The following CCDC102B variants were observed in gnomAD, a reference collection of about 807,000 sequenced individuals.
CCDC102B encodes coiled-coil domain-containing protein 102B.
CCDC102B carries 75 observed loss-of-function variants against 57.4 expected under a neutral mutation model. The observed-to-expected ratio is 1.31, with a 90% CI of 1.08 to 1.58. CCDC102B has a LOEUF of 1.58. Among genes scored for constraint, CCDC102B ranks in the 40% most tolerant of loss-of-function variants. The pLI is 0.00. For missense variants in CCDC102B, 636 were observed against 582.6 expected (o/e 1.09, Z -0.94); for synonymous variants, 206 against 201.9 (o/e 1.02, Z -0.17).
intron 7 of CCDC102B, among the ~76,000 whole-genome samples, chr18:69,013,310 C>A (rs547400713): frequency 6.8e-4 from 103 of 151,784 alleles, no homozygotes; most frequent in African/African-American, 2.4e-3. Flanking sequence ...TTCTCACTTA[C>A]AAGATGGAGA....
chr18:69,007,665 T>C (rs575205189), intron 6 of CCDC102B, among the ~76,000 whole-genome samples: 1 of 152,342 alleles, frequency 6.6e-6, no homozygotes, highest in South Asian at 2.1e-4. Context: ...AGTTCCCAAG[T>C]GATGCCGTTG....
upstream of CCDC102B, among the ~76,000 whole-genome samples, chr18:68,797,435 C>T (rs989076629): frequency 1.3e-5 from 2 of 151,912 alleles, no homozygotes; most frequent in African/African-American, 4.8e-5. Context: ...CCCCTCAACC[C>T]CCATCAGAAC....
chr18:68,821,968 T>C (rs1239343227), intron 1 of CCDC102B, among the ~76,000 whole-genome samples: 1 of 152,168 alleles, frequency 6.6e-6, no homozygotes, highest in Non-Finnish European at 1.5e-5. Context: ...ATGATGAGTA[T>C]AAAGGATTTA....
chr18:68,765,304 G>A (rs763779420), intron 2 of CCDC102B, among the ~76,000 whole-genome samples: 6,059 of 86,806 alleles, frequency 0.07, 296 homozygotes, highest in African/African-American at 0.17. Context: ...AAGGAAGGAA[G>A]GAAGGAAGGA....
intron 7 of CCDC102B, among the ~76,000 whole-genome samples, chr18:69,021,295 G>A (rs2051826129): frequency 6.6e-6 from 1 of 152,154 alleles, no homozygotes; most frequent in Non-Finnish European, 1.5e-5. Context: ...AAGATTATGA[G>A]AATAGTGATA....
At chr18:68,829,351 T>C (rs1233688403) in intron 1 of CCDC102B, among the ~76,000 whole-genome samples, 13 of 151,990 alleles carry the variant, frequency 8.6e-5, no homozygotes, top group Non-Finnish European at 7.4e-5. Flanking sequence ...TTAAATACAT[T>C]GTAAAATGTC....
chr18:69,054,454 G>C lies in CCDC102B; in HGVS notation c.*317G>C. On this transcript the variant is annotated 3_prime_UTR_variant, in exon 8 of 8. Coordinates refer to ENST00000360242, the MANE Select transcript of CCDC102B (RefSeq NM_024781.3). ...AGAGTTATAATATCGGTAAGAAAAA[G>C]TAAGTTGAAAACCATACAAGACGCT... The C allele has an allele frequency of 9.7e-7, 1 of 1,025,868 alleles. No individual in the cohort carries two copies. The highest frequency in any genetic ancestry group is 1.2e-6 in the Non-Finnish European group (1 of 856,694). 63.5% of individuals were successfully genotyped at this position (1,025,868 alleles called of 1,614,324 possible). A position where few individuals can be genotyped will look rare whatever the true frequency, so the allele number is the denominator to read the frequency against.
chr18:68,907,299 A>G (rs2040685036), intron 6 of CCDC102B, among the ~76,000 whole-genome samples: 1 of 152,124 alleles, frequency 6.6e-6, no homozygotes, highest in South Asian at 2.1e-4. Flanking sequence ...CTGAAATTCC[A>G]TATGAATTTG....
At chr18:68,952,162 G>A (rs1039546615) in intron 6 of CCDC102B, among the ~76,000 whole-genome samples, 13 of 151,928 alleles carry the variant, frequency 8.6e-5, no homozygotes, top group African/African-American at 3.1e-4. Context: ...AATCAATTAT[G>A]TTGGGAAGCA....
chr18:68,910,395 G>T (rs2040798388), intron 6 of CCDC102B, among the ~76,000 whole-genome samples: 1 of 152,170 alleles, frequency 6.6e-6, no homozygotes, highest in South Asian at 2.1e-4. Flanking sequence ...AGCAGAATTG[G>T]CAGATATACA....
intron 6 of CCDC102B, among the ~76,000 whole-genome samples, chr18:68,924,115 C>G (rs1377011412): frequency 7.3e-6 from 1 of 136,252 alleles, no homozygotes; most frequent in East Asian, 2.1e-4. Flanking sequence ...CGTCTCAGCC[C>G]CCTTTTCCCT....
intron 4 of CCDC102B, among the ~76,000 whole-genome samples, chr18:68,852,815 A>G (rs1051669265): frequency 6.6e-6 from 1 of 152,166 alleles, no homozygotes; most frequent in Non-Finnish European, 1.5e-5. Flanking sequence ...TTTTTGAACG[A>G]AACGATTTTT....
intron 6 of CCDC102B, 89 bp downstream of exon 6, chr18:68,897,517 A>C (rs929891564): frequency 9.7e-6 from 15 of 1,546,722 alleles, no homozygotes; most frequent in Admixed American, 5.0e-5. Flanking sequence ...ACGCCTCCAC[A>C]TTTGGATATT....
chr18:68,795,082 G>C (rs2035586277), upstream of CCDC102B, among the ~76,000 whole-genome samples: 2 of 151,246 alleles, frequency 1.3e-5, no homozygotes, highest in Admixed American at 6.6e-5. Flanking sequence ...AGATACAGAA[G>C]GAGATAAAGT....
At chr18:68,918,964 A>T (rs958286760) in intron 6 of CCDC102B, among the ~76,000 whole-genome samples, 1 of 152,112 alleles carries the variant, frequency 6.6e-6, no homozygotes, top group African/African-American at 2.4e-5. Flanking sequence ...TATGTATTGT[A>T]TATAAAAGGG....
intron 4 of CCDC102B, among the ~76,000 whole-genome samples, chr18:68,851,487 A>G (rs1326441402): frequency 1.3e-5 from 2 of 152,190 alleles, no homozygotes; most frequent in Non-Finnish European, 2.9e-5. Flanking sequence ...AAACAAACAT[A>G]ATTAAGAATA....
At chr18:68,935,184 G>A (rs1044821791) in intron 6 of CCDC102B, among the ~76,000 whole-genome samples, 1 of 151,982 alleles carries the variant, frequency 6.6e-6, no homozygotes, top group East Asian at 1.9e-4. Context: ...CAGAGCTAGA[G>A]AGATTTTTAA....
chr18:68,971,139 A>G (rs2145259535), intron 6 of CCDC102B, among the ~76,000 whole-genome samples: 1 of 152,148 alleles, frequency 6.6e-6, no homozygotes, highest in South Asian at 2.1e-4. Context: ...TATATTCTTA[A>G]TTAACCTTTA....
intron 2 of CCDC102B, among the ~76,000 whole-genome samples, chr18:68,743,786 C>A (rs2033506484): frequency 6.6e-6 from 1 of 152,134 alleles, no homozygotes; most frequent in Non-Finnish European, 1.5e-5. Flanking sequence ...GCCTAGCTTG[C>A]AGCTGTTGAA....
Sources: gnomAD v4.1 joint callset for allele counts (sites outside exome capture counted in the v4.1 genomes callset) on GRCh38, gnomAD v4.1.1 for gene constraint, MANE v1.5 for transcripts, NCBI Gene and HGNC (gene_info 2026-07-23, HGNC 2026-07-21) for gene names.